Variants in PADI4 observed in about 807,000 individuals in gnomAD.
PADI4 encodes protein-arginine deiminase type-4.
In PADI4, 62 loss-of-function variants were observed where a neutral mutation model predicts 75.0. The ratio of observed to expected loss-of-function variants is 0.83; its 90% CI spans 0.67 to 1.02. The LOEUF (loss-of-function observed/expected upper bound fraction) is 1.02. Ranked by LOEUF, PADI4 falls within the 50% of genes least tolerant of loss-of-function variation. The pLI is 0.00. For synonymous variants in PADI4, 361 were observed against 348.1 expected (o/e 1.04, Z -0.41); for missense variants, 845 against 850.5 (o/e 0.99, Z 0.08).
chr1:17,343,757 C>T lies in PADI4; in HGVS notation c.935+1355C>T, dbSNP rs559289752. ...TTGCATCTTGCTCATTTTCTCTTGC[C>T]GCCGCCATGTAAGAAGTGCCTTTTG... On this transcript the variant is annotated intron_variant, in intron 8 of 15. Transcript: ENST00000375448. Among the ~76,000 whole-genome samples the T allele has an allele frequency of 1.4e-3, 217 of 152,240 alleles. 1 individual carries two copies. Among genetic ancestry groups the T allele is most frequent in the Non-Finnish European group, 2.3e-3 (159 of 68,024 alleles).
rs775640063 is a variant in PADI4 at position 17,336,138 on chromosome 1, T to C, written c.341-21T>C. 1.2e-4 allele frequency: 195 copies of C among 1,593,536 alleles called. 1 individual carries two copies. The highest frequency in any genetic ancestry group is 9.9e-4 in the Middle Eastern group (6 of 6,032). ...ACCCCGGACCCTCACCAACCTCTCC[T>C]CTTACTTGATGGGATTTCAGAAATC... On this transcript the variant is annotated intron_variant, in intron 3 of 15. Coordinates refer to ENST00000375448, the MANE Select transcript of PADI4 (RefSeq NM_012387.3).
chr1:17,308,290 C>T lies in PADI4; in HGVS notation c.68C>T (p.Thr23Ile), dbSNP rs528959988. The change falls in exon 1 of 16, where the codon ACC becomes ATC. Residue 23 changes from threonine to isoleucine, a missense_variant. Transcript: ENST00000375448. Reference protein sequence around the residue: ...QPTHAVCVLGTLTQLDICSSA... With the variant: ...QPTHAVCVLGILTQLDICSSA... ...ACCCATGCCGTGTGTGTGCTGGGCA[C>T]CTTGACTCAGCTTGACATCTGCAGG... The T allele has an allele frequency of 6.8e-6, 11 of 1,614,026 alleles. No individual in the cohort carries two copies. Among genetic ancestry groups the T allele is most frequent in the African/African-American group, 6.7e-5 (5 of 75,048 alleles).
intron 10 of PADI4, among the ~76,000 whole-genome samples, chr1:17,349,305 C>T (rs949754409): frequency 3.3e-5 from 5 of 152,228 alleles, no homozygotes; most frequent in Non-Finnish European, 5.9e-5. Context: ...GACAGACAGA[C>T]GGACACCTCG....
intron 3 of PADI4, among the ~76,000 whole-genome samples, chr1:17,335,072 GGTCAA>G (rs1392302475): frequency 6.6e-6 from 1 of 152,044 alleles, no homozygotes; most frequent in African/African-American, 2.4e-5. Context: ...GAGCCCAGAA[GGTCAA>G]GACTACATGA....
chr1:17,328,011 C>A (rs1003888093), intron 1 of PADI4, among the ~76,000 whole-genome samples: 48 of 151,738 alleles, frequency 3.2e-4, no homozygotes, highest in Admixed American at 1.3e-4. Flanking sequence ...TGGTGAATAT[C>A]TTTATTTATT....
Position 17,347,955 on chromosome 1 carries a change from C to T in PADI4, c.1062C>T (p.Ile354=), listed in dbSNP as rs767002818. The T allele has an allele frequency of 1.5e-5, 23 of 1,581,626 alleles. No homozygotes were observed. The highest frequency in any genetic ancestry group is 3.4e-5 in the South Asian group (3 of 87,166). Reference sequence around the variant, plus strand: ...CACTCCCACAGGATGAAATGGAGATCGGCTACATCCAAGCCCCACACAAAA... The same window carrying T: ...CACTCCCACAGGATGAAATGGAGATTGGCTACATCCAAGCCCCACACAAAA... ...DDQWMQDEME[I]GYIQAPHKTL... is the part of the protein sequence containing the mutation. The change falls in exon 10 of 16, where the codon ATC becomes ATT. Residue 354 remains isoleucine (I), a synonymous_variant. Transcript: ENST00000375448.
intron 1 of PADI4, among the ~76,000 whole-genome samples, chr1:17,325,038 G>C (rs565352853): frequency 2.0e-5 from 3 of 152,204 alleles, no homozygotes; most frequent in Non-Finnish European, 4.4e-5. Context: ...ATACCTGGTT[G>C]AGAAAGTGCC....
chr1:17,335,885 G>C (rs1163774615), intron 3 of PADI4, among the ~76,000 whole-genome samples: 1 of 152,238 alleles, frequency 6.6e-6, no homozygotes, highest in Non-Finnish European at 1.5e-5. Context: ...GGCCAGACGT[G>C]CAGGGTCTGG....
chr1:17,358,983 A>C, intron 14 of PADI4, 75 bp downstream of exon 14: 2 of 944,662 alleles, frequency 2.1e-6, no homozygotes, highest in South Asian at 2.9e-5. Context: ...CAGTGATTAG[A>C]GGCACACAGA....
chr1:17,363,226 C>T (rs1025515981), intron 15 of PADI4, among the ~76,000 whole-genome samples: 23 of 152,226 alleles, frequency 1.5e-4, no homozygotes, highest in Admixed American at 1.5e-3. Context: ...TCAAGTGATC[C>T]TCCTCCCTCA....
At chr1:17,342,635 T>A (rs1426833240) in intron 8 of PADI4, among the ~76,000 whole-genome samples, 1 of 152,160 alleles carries the variant, frequency 6.6e-6, no homozygotes, top group African/African-American at 2.4e-5. Flanking sequence ...GTAGAGTGTG[T>A]CCCATGGACC....
At position 17,339,653 on chromosome 1, in the gene PADI4, G is replaced by A; in HGVS notation, c.527-35G>A. The A allele has an allele frequency of 1.9e-6, 3 of 1,611,964 alleles. No individual in the cohort carries two copies. The South Asian group carries it at 3.3e-5, about 18-fold the overall frequency. On this transcript the variant is annotated intron_variant, in intron 5 of 15. Coordinates refer to ENST00000375448, the MANE Select transcript of PADI4 (RefSeq NM_012387.3). The stretch of plus-strand genomic sequence containing the variant: ...ATGGGAAACCAGCAGCGGTCTCAGG[G>A]CCCTGTGACTCAGGCAATGCCCTTC...
chr1:17,336,575 G>A (rs1480989302), intron 4 of PADI4, among the ~76,000 whole-genome samples: 1 of 152,170 alleles, frequency 6.6e-6, no homozygotes, highest in Non-Finnish European at 1.5e-5. Flanking sequence ...GATTTCTGCA[G>A]AGCTGTCTAC....
chr1:17,355,380 C>T (rs1349232280), intron 11 of PADI4, among the ~76,000 whole-genome samples: 1 of 152,096 alleles, frequency 6.6e-6, no homozygotes, highest in Non-Finnish European at 1.5e-5. Context: ...GGCGAAACCC[C>T]GTCTCTACTA....
rs2074426890 is a variant in PADI4, at chr1:17,341,990, C to G, written c.700C>G (p.Pro234Ala). ...KCSVVLGPKW[P>A]SHYLMVPGGK... ...CAGCGTAGTCTTGGGTCCCAAGTGG[C>G]CCTCTCACTACCTGATGGTCCCCGG... The change falls in exon 7 of 16, where the codon CCC (proline) becomes GCC (alanine). Residue 234 changes from proline to alanine, a missense_variant. Physicochemically the swap from Pro to Ala is conservative, Grantham distance 27. Transcript: ENST00000375448. 1 of 1,613,966 alleles carries G rather than the reference C, an allele frequency of 6.2e-7. No individual in the cohort carries two copies.
At chr1:17,352,925 G>T (rs2074691330) in intron 10 of PADI4, among the ~76,000 whole-genome samples, 1 of 152,208 alleles carries the variant, frequency 6.6e-6, no homozygotes, top group Non-Finnish European at 1.5e-5. Flanking sequence ...GGGCAAGTGA[G>T]GTTGGAGGTG....
intron 5 of PADI4, among the ~76,000 whole-genome samples, chr1:17,338,440 AG>A (rs2074356590): frequency 6.6e-6 from 1 of 152,150 alleles, no homozygotes; most frequent in Non-Finnish European, 1.5e-5. Flanking sequence ...AAACGCTCTT[AG>A]GTCAAACCTG....
chr1:17,345,263 A>G (rs941102987), intron 8 of PADI4, among the ~76,000 whole-genome samples: 5 of 151,940 alleles, frequency 3.3e-5, no homozygotes, highest in Non-Finnish European at 7.4e-5. Flanking sequence ...CAACACCTGT[A>G]CCCCCATTGT....
At chr1:17,340,046 G>T (rs569314368) in intron 6 of PADI4, among the ~76,000 whole-genome samples, 33 of 76,090 alleles carry the variant, frequency 4.3e-4, no homozygotes, top group Non-Finnish European at 7.2e-4. Context: ...TCTCACACAC[G>T]CGCGCGCACA....
Sources: gnomAD v4.1 joint callset for allele counts (sites outside exome capture counted in the v4.1 genomes callset) on GRCh38, gnomAD v4.1.1 for gene constraint, MANE v1.5 for transcripts, NCBI Gene and HGNC (gene_info 2026-07-23, HGNC 2026-07-21) for gene names.